The following PARVB variants were observed in gnomAD, a reference collection of about 807,000 sequenced individuals.
PARVB encodes beta-parvin.
Under a neutral mutation model 47.0 loss-of-function variants are expected in PARVB, and 46 were observed. The observed-to-expected ratio is 0.98, with a 90% CI of 0.77 to 1.25. PARVB has a LOEUF of 1.25. Ranked by LOEUF, PARVB falls within the 50% of genes most tolerant of loss-of-function variation. PARVB has a pLI of 0.00. For missense variants in PARVB, 473 were observed against 471.6 expected (o/e 1.00, Z -0.03); for synonymous variants, 196 against 196.3 (o/e 1.00, Z 0.01).
chr22:44,092,979 C>T (rs1432782912), intron 1 of PARVB, among the ~76,000 whole-genome samples: 1 of 152,236 alleles, frequency 6.6e-6, no homozygotes, highest in Admixed American at 6.5e-5. Context: ...GGCCTGGGTA[C>T]CTTTGCAGCA....
At chr22:44,052,010 A>C (rs888371339) in intron 1 of PARVB, among the ~76,000 whole-genome samples, 2 of 152,172 alleles carry the variant, frequency 1.3e-5, no homozygotes, top group African/African-American at 2.4e-5. Context: ...TGGAGCCCTC[A>C]GTGAGAGCAC....
rs147791825 is a variant in PARVB at position 44,132,657 on chromosome 22, A to G, written c.518-237A>G. Among the ~76,000 whole-genome samples the G allele has an allele frequency of 7.0e-4, 106 of 152,268 alleles. 2 individuals are homozygous for G. The East Asian group carries it at 0.016, about 24-fold the overall frequency. The stretch of plus-strand genomic sequence containing the variant: ...TGCCCAATTTATTGCTTTTAAAAAC[A>G]TTGTGCTTCTAAAAGTGGTTGCACA... On this transcript the variant is annotated intron_variant, in intron 5 of 12. Transcript: ENST00000338758.
intron 11 of PARVB, among the ~76,000 whole-genome samples, chr22:44,162,482 C>T (rs962453945): frequency 8.6e-5 from 13 of 150,684 alleles, no homozygotes; most frequent in African/African-American, 2.2e-4. Context: ...CCACCATGCC[C>T]GGCTAATTTT....
At chr22:44,041,871 C>T (rs1346353053) in intron 1 of PARVB, among the ~76,000 whole-genome samples, 6 of 152,068 alleles carry the variant, frequency 3.9e-5, no homozygotes, top group African/African-American at 1.2e-4. Context: ...GGTGACAGAG[C>T]GAGACCCTGC....
At chr22:44,048,532 C>T (rs991474339) in intron 1 of PARVB, among the ~76,000 whole-genome samples, 6 of 150,980 alleles carry the variant, frequency 4.0e-5, no homozygotes, top group East Asian at 2.0e-4. Flanking sequence ...CCACCATGCC[C>T]GGATAATTTT....
rs1039035515 is a variant in PARVB, at chr22:44,024,456, G to T, written c.112+5G>T. 1.9e-5 allele frequency: 22 copies of T among 1,154,164 alleles called. No homozygotes were observed. In the African/African-American group the frequency reaches 3.6e-4, roughly 19 times the overall value. 71.5% of individuals were successfully genotyped at this position (1,154,164 alleles called of 1,614,324 possible). ...GGAAGCGGAGGGCGCGCGAGGGTGA[G>T]TGCGCGCCCGCGCCCGCCGACCCCC... is the stretch of plus-strand genomic sequence containing the variant. On this transcript the variant is annotated splice_donor_5th_base_variant and intron_variant, in intron 1 of 12. Transcript: ENST00000338758.
chr22:44,087,853 T>G (rs533606780), intron 1 of PARVB, among the ~76,000 whole-genome samples: 4 of 150,918 alleles, frequency 2.7e-5, no homozygotes, highest in Non-Finnish European at 4.4e-5. Flanking sequence ...GGTGTTTTTT[T>G]TTTTTTTTTT....
At chr22:44,057,238 A>G (rs1403184542) in intron 1 of PARVB, among the ~76,000 whole-genome samples, 1 of 152,148 alleles carries the variant, frequency 6.6e-6, no homozygotes, top group Non-Finnish European at 1.5e-5. Flanking sequence ...TTTTTTAAAA[A>G]TGTGATGTAC....
intron 8 of PARVB, chr22:44,140,752 G>A: frequency 2.8e-6 from 1 of 354,372 alleles, no homozygotes. Flanking sequence ...GCCCTGCTTG[G>A]CCGGGGGACA....
rs117223150 is a variant in PARVB at position 44,072,265 on chromosome 22, T to C, written c.113-21663T>C. On this transcript the variant is annotated intron_variant, in intron 1 of 12. Transcript: ENST00000338758. ...AGCTCATCATGAGGCCCCTGAAAGA[T>C]AGTTTCTGTGCCCTGTGGAGCTGAG... Among the ~76,000 whole-genome samples, 484 of 152,176 alleles carry C rather than the reference T, an allele frequency of 3.2e-3. 7 individuals carry two copies. In the East Asian group the frequency reaches 0.047, roughly 15 times the overall value.
At chr22:44,028,867 G>T (rs1227987619) in intron 1 of PARVB, among the ~76,000 whole-genome samples, 1 of 152,182 alleles carries the variant, frequency 6.6e-6, no homozygotes, top group Non-Finnish European at 1.5e-5. Flanking sequence ...GTTTCAATTC[G>T]CATTTCCCTG....
At position 44,126,612 on chromosome 22, in the gene PARVB, T is replaced by C. The variant is rs565719997; in HGVS notation, c.377-4875T>C. Among the ~76,000 whole-genome samples, 281 of 152,330 alleles carry C rather than the reference T, an allele frequency of 1.8e-3. 2 individuals are homozygous for C. The highest frequency in any genetic ancestry group is 6.4e-3 in the African/African-American group (265 of 41,560). Reference sequence around the variant, plus strand: ...TGGCTGGTTATGGTAGAGACTTACCTCCTCTTTGATCTTGGATGTGAAGAT... The same window carrying C: ...TGGCTGGTTATGGTAGAGACTTACCCCCTCTTTGATCTTGGATGTGAAGAT... On this transcript the variant is annotated intron_variant, in intron 4 of 12. Coordinates refer to ENST00000338758, the MANE Select transcript of PARVB (RefSeq NM_013327.5).
At chr22:44,056,574 C>T (rs536710576) in intron 1 of PARVB, among the ~76,000 whole-genome samples, 4 of 152,252 alleles carry the variant, frequency 2.6e-5, no homozygotes, top group South Asian at 4.1e-4. Flanking sequence ...GGTGCAATCA[C>T]GGCTCACTAT....
At chr22:44,019,343 C>G (rs1309973131), upstream of PARVB, among the ~76,000 whole-genome samples, 2 of 152,088 alleles carry the variant, frequency 1.3e-5, no homozygotes, top group Non-Finnish European at 2.9e-5. Context: ...CCTCAGCCTC[C>G]CGAGTAGCTG....
chr22:44,106,435 T>A (rs1022524883), intron 3 of PARVB: 4 of 152,374 alleles, frequency 2.6e-5, no homozygotes, highest in African/African-American at 9.6e-5. Flanking sequence ...AGAAGCCACC[T>A]CCCAGTGGTT....
intron 2 of PARVB, 28 bp from the exon 3 acceptor site, chr22:44,100,025 G>T: frequency 6.2e-7 from 1 of 1,605,550 alleles, no homozygotes; most frequent in South Asian, 1.1e-5. Context: ...CACAATCGCT[G>T]ACCGTGACTT....
intron 6 of PARVB, among the ~76,000 whole-genome samples, chr22:44,134,671 C>T (rs992876047): frequency 2.0e-5 from 3 of 152,196 alleles, no homozygotes; most frequent in African/African-American, 7.2e-5. Context: ...CTGCAGCCCC[C>T]TGGCCTCTGA....
At chr22:44,152,612 G>T (rs932728159) in intron 10 of PARVB, 1 of 152,142 alleles carries the variant, frequency 6.6e-6, no homozygotes. Flanking sequence ...ATGTCCCCCT[G>T]GTAGGTATGT....
intron 1 of PARVB, among the ~76,000 whole-genome samples, chr22:44,058,907 T>G (rs1205007694): frequency 6.6e-6 from 1 of 152,092 alleles, no homozygotes; most frequent in Non-Finnish European, 1.5e-5. Context: ...GGTGCTCAGT[T>G]AGTGACTAAA....
Sources: allele counts gnomAD v4.1 joint callset (sites outside exome capture counted in the v4.1 genomes callset), GRCh38; gene constraint gnomAD v4.1.1; transcripts MANE v1.5; gene names NCBI Gene and HGNC (gene_info 2026-07-23, HGNC 2026-07-21).